Variants in FILIP1 observed in about 807,000 individuals in gnomAD.
FILIP1 encodes the protein filamin-A-interacting protein 1.
FILIP1 carries 61 observed loss-of-function variants against 102.1 expected under a neutral mutation model. That is an observed-to-expected ratio of 0.60 (90% confidence interval 0.49 to 0.74). FILIP1 has a LOEUF of 0.74. Among genes scored for constraint, FILIP1 ranks in the 30% least tolerant of loss-of-function variants. The pLI, the probability that FILIP1 is intolerant of heterozygous loss-of-function variation, is 0.00. For missense variants in FILIP1, 1,314 were observed against 1,441.2 expected, an observed-to-expected ratio of 0.91 and a Z score of 1.43; for synonymous variants, 491 against 526.9, an observed-to-expected ratio of 0.93 and a Z score of 0.93.
intron 2 of FILIP1, among the ~76,000 whole-genome samples, chr6:75,368,912 G>A (rs1399780117): frequency 6.6e-6 from 1 of 152,214 alleles, no homozygotes; most frequent in African/African-American, 2.4e-5. Flanking sequence ...TAAAGGCACA[G>A]AAAGTCTAAG....
chr6:75,379,115 T>C (rs1775826738), intron 2 of FILIP1, among the ~76,000 whole-genome samples: 1 of 152,196 alleles, frequency 6.6e-6, no homozygotes, highest in African/African-American at 2.4e-5. Context: ...CTTAAAATAT[T>C]ACCCTTTAAA....
At chr6:75,442,111 A>T (rs1252498389) in intron 1 of FILIP1, among the ~76,000 whole-genome samples, 3 of 151,580 alleles carry the variant, frequency 2.0e-5, no homozygotes, top group Non-Finnish European at 4.4e-5. Flanking sequence ...CTCACCTCCC[A>T]GATGGGGCGG....
intron 1 of FILIP1, among the ~76,000 whole-genome samples, chr6:75,436,489 C>A (rs1248785942): frequency 6.6e-6 from 1 of 152,070 alleles, no homozygotes; most frequent in Non-Finnish European, 1.5e-5. Flanking sequence ...TGGGAACAAT[C>A]TGGTTAGAAG....
chr6:75,437,904 A>G (rs1391076819), intron 1 of FILIP1, among the ~76,000 whole-genome samples: 1 of 152,190 alleles, frequency 6.6e-6, no homozygotes, highest in Non-Finnish European at 1.5e-5. Flanking sequence ...TAACTGTTGC[A>G]TTTTTCATAG....
At chr6:75,353,503 C>T (rs778682630) in intron 4 of FILIP1, 36 bp downstream of exon 4, 127 of 1,609,782 alleles carry the variant, frequency 7.9e-5, no homozygotes, top group Non-Finnish European at 1.1e-4. Flanking sequence ...GGGCTATGGG[C>T]ATCCAGATGT....
At chr6:75,373,469 A>T (rs112764964) in intron 2 of FILIP1, among the ~76,000 whole-genome samples, 1,700 of 152,090 alleles carry the variant, frequency 0.011, 38 homozygotes, top group African/African-American at 0.039. Flanking sequence ...TCTTATTTTT[A>T]TTTATTTATT....
At position 75,326,068 on chromosome 6, in the gene FILIP1, TGATAGATA is replaced by T. The variant is rs776226164; in HGVS notation, c.630-10874_630-10867del. 8.6e-4 allele frequency among the ~76,000 whole-genome samples: 129 copies of T among 149,198 alleles called. 1 individual carries two copies. Among genetic ancestry groups the T allele is most frequent in the African/African-American group, 3.2e-3 (128 of 40,180 alleles). On this transcript the variant is annotated intron_variant, in intron 4 of 5. Transcript: ENST00000237172. ...ATATAGATAATAGACAGATGATAGATGATAGATAGATAGATAGATAGATAGATTAGATA... is the reference window on the plus strand; with the variant it reads ...ATATAGATAATAGACAGATGATAGATGATAGATAGATAGATAGATTAGATA...
At chr6:75,342,243 T>C (rs899646159) in intron 4 of FILIP1, among the ~76,000 whole-genome samples, 7 of 152,238 alleles carry the variant, frequency 4.6e-5, no homozygotes, top group African/African-American at 1.4e-4. Context: ...AGAAATTGAC[T>C]GCAGTTGAAG....
At chr6:75,370,842 G>T (rs1208337840) in intron 2 of FILIP1, among the ~76,000 whole-genome samples, 1 of 151,984 alleles carries the variant, frequency 6.6e-6, no homozygotes, top group Non-Finnish European at 1.5e-5. Context: ...CCCCCAAAGT[G>T]CTGGGATTAC....
At chr6:75,491,733 G>A (rs754289743) in intron 1 of FILIP1, among the ~76,000 whole-genome samples, 3 of 152,278 alleles carry the variant, frequency 2.0e-5, no homozygotes, top group East Asian at 1.9e-4. Flanking sequence ...GGAGGAAACC[G>A]TGTTGTTTAG....
chr6:75,397,327 A>G (rs1383497267), intron 2 of FILIP1, among the ~76,000 whole-genome samples: 1 of 151,974 alleles, frequency 6.6e-6, no homozygotes, highest in African/African-American at 2.4e-5. Flanking sequence ...TGTATGCAAC[A>G]TTGATCTTAT....
At chr6:75,390,486 A>G (rs1388835709) in intron 2 of FILIP1, among the ~76,000 whole-genome samples, 1 of 152,122 alleles carries the variant, frequency 6.6e-6, no homozygotes, top group East Asian at 1.9e-4. Context: ...GGGAGGCCTC[A>G]GGAGGTTTCC....
In FILIP1 at chr6:75,313,168, G is replaced by C. The variant is rs760342188; in HGVS notation, c.2664C>G (p.Pro888=). The C allele has an allele frequency of 2.5e-6, 4 of 1,613,968 alleles. No individual in the cohort carries two copies. The Admixed American group carries it at 5.0e-5, about 20-fold the overall frequency. ...GGTGCCCTGGACTGGAATTTGTTCGGGGCCCTTTCTCCTGAGTGATGGAGG... is the reference window on the plus strand; with the variant it reads ...GGTGCCCTGGACTGGAATTTGTTCGCGGCCCTTTCTCCTGAGTGATGGAGG... The part of the protein sequence containing the change: ...NGPSITQEKG[P]RTNSSPGHPG... The change falls in exon 5 of 6, where the codon CCC becomes CCG. Residue 888 remains proline (P), a synonymous_variant. Transcript: ENST00000237172. The surrounding 1 kb of genome is among the most constrained non-coding windows in gnomAD (Gnocchi z 4.2).
At chr6:75,413,286 T>G (rs1777137265) in intron 2 of FILIP1, among the ~76,000 whole-genome samples, 2 of 152,150 alleles carry the variant, frequency 1.3e-5, no homozygotes, top group African/African-American at 4.8e-5. Context: ...AGCTTTCGGC[T>G]GGGGGCAGCT....
chr6:75,392,094 G>A (rs1397694779), intron 2 of FILIP1, among the ~76,000 whole-genome samples: 2 of 152,102 alleles, frequency 1.3e-5, no homozygotes, highest in Non-Finnish European at 2.9e-5. Context: ...TGCCCTACTT[G>A]CTGATTTTCC....
rs550249178 is a variant in FILIP1, at chr6:75,370,732, A to G, written c.277-7815T>C. On this transcript the variant is annotated intron_variant, in intron 2 of 5. Transcript: ENST00000237172. ...GCTGGGATTACAGGCGCCTGCCACA[A>G]CCCCGGGCTAATTTTTGTATTTTTA... 1.8e-3 allele frequency among the ~76,000 whole-genome samples: 271 copies of G among 150,710 alleles called. 1 individual carries two copies. The highest frequency in any genetic ancestry group is 6.3e-3 in the African/African-American group (260 of 41,114).
chr6:75,387,719 A>G (rs1776145945), intron 2 of FILIP1, among the ~76,000 whole-genome samples: 1 of 151,970 alleles, frequency 6.6e-6, no homozygotes, highest in African/African-American at 2.4e-5. Flanking sequence ...CCACTTTTTG[A>G]TGGGGTTGTT....
intron 1 of FILIP1, chr6:75,455,365 A>T (rs982662123): frequency 6.6e-6 from 1 of 152,156 alleles, no homozygotes; most frequent in Non-Finnish European, 1.5e-5. Context: ...CAAAAAAAAA[A>T]AATAAAATTG....
At chr6:75,453,719 G>T (rs1253716275) in intron 1 of FILIP1, among the ~76,000 whole-genome samples, 1 of 152,114 alleles carries the variant, frequency 6.6e-6, no homozygotes, top group Non-Finnish European at 1.5e-5. Flanking sequence ...GGCTGGTGCA[G>T]GTGGATCAAT....
Sources: allele counts gnomAD v4.1 joint callset (sites outside exome capture counted in the v4.1 genomes callset), GRCh38; gene constraint gnomAD v4.1.1; non-coding constraint Gnocchi (gnomAD v3.1); transcripts MANE v1.5; gene names NCBI Gene and HGNC (gene_info 2026-07-23, HGNC 2026-07-21).